The following METTL16 variants were observed in gnomAD, a reference collection of about 807,000 sequenced individuals.
The protein encoded by METTL16 is methyltransferase 16, RNA N6-adenosine, also known as RNA N(6)-adenosine-methyltransferase METTL16.
A neutral mutation model predicts 57.9 loss-of-function variants in METTL16; 19 were observed. The observed-to-expected ratio is 0.33, with a 90% CI of 0.23 to 0.48. METTL16 has a LOEUF of 0.48. METTL16 is among the 20% of genes least tolerant of loss of function. The probability of loss-of-function intolerance (pLI) is 0.99; values close to 1 mark genes in which losing one functional copy is unlikely to be tolerated. For missense variants in METTL16, 434 were observed against 691.5 expected (o/e 0.63, Z 4.18); for synonymous variants, 246 against 255.6 (o/e 0.96, Z 0.36).
At chr17:2,437,541 T>A (rs1005798370) in intron 8 of METTL16, among the ~76,000 whole-genome samples, 8 of 126,118 alleles carry the variant, frequency 6.3e-5, no homozygotes, top group South Asian at 6.3e-4. Context: ...TTTAAAAAAA[T>A]TTTTATTTAT....
intron 5 of METTL16, among the ~76,000 whole-genome samples, chr17:2,464,953 T>C (rs879705219): frequency 6.6e-6 from 1 of 152,192 alleles, no homozygotes; most frequent in Non-Finnish European, 1.5e-5. Context: ...TAAAAACTTC[T>C]GAGCTGCAAA....
chr17:2,489,666 G>A (rs1430742194), intron 2 of METTL16, among the ~76,000 whole-genome samples: 2 of 129,490 alleles, frequency 1.5e-5, no homozygotes, highest in East Asian at 2.6e-4. Flanking sequence ...TTGAACCTGA[G>A]AGGTGGAGGT....
chr17:2,445,960 A>C (rs1159385318), intron 6 of METTL16, among the ~76,000 whole-genome samples: 2 of 152,116 alleles, frequency 1.3e-5, no homozygotes, highest in South Asian at 2.1e-4. Context: ...ATATTCAAAA[A>C]TCAATATCTA....
At chr17:2,435,860 A>C (rs951145193) in intron 8 of METTL16, among the ~76,000 whole-genome samples, 1 of 152,006 alleles carries the variant, frequency 6.6e-6, no homozygotes, top group East Asian at 1.9e-4. Context: ...ACGGGGCTGA[A>C]GGATGCCCCA....
At chr17:2,479,207 T>G (rs1195352564) in intron 2 of METTL16, among the ~76,000 whole-genome samples, 5 of 151,850 alleles carry the variant, frequency 3.3e-5, no homozygotes, top group African/African-American at 1.2e-4. Context: ...CCTCACTGTC[T>G]CCCAGACTGG....
chr17:2,429,198 C>CTT (rs55994674), intron 8 of METTL16, among the ~76,000 whole-genome samples: 82,633 of 120,150 alleles, frequency 0.69, 28,860 homozygotes, highest in East Asian at 0.95. Flanking sequence ...AAGAATGAAA[C>CTT]TTTTTTTTTT....
intron 7 of METTL16, among the ~76,000 whole-genome samples, chr17:2,441,209 G>A (rs776935375): frequency 1.3e-5 from 2 of 152,074 alleles, no homozygotes; most frequent in African/African-American, 2.4e-5. Context: ...CAAATACCAC[G>A]TGTTCTTACT....
At chr17:2,468,157 G>C (rs971522431) in intron 4 of METTL16, among the ~76,000 whole-genome samples, 1 of 152,208 alleles carries the variant, frequency 6.6e-6, no homozygotes, top group Non-Finnish European at 1.5e-5. Context: ...TGTGTAGTAG[G>C]CTACACCATT....
rs1172329313 is a variant in METTL16, at chr17:2,464,171, T to C, written c.728+37A>G. The C allele has an allele frequency of 2.5e-6, 4 of 1,592,692 alleles. No individual in the cohort carries two copies. The East Asian group carries it at 6.7e-5, about 27-fold the overall frequency. Reference sequence around the variant, plus strand: ...ACATAGCGGGTAAATATTCCTGTGTTGTAAAGATGGACTCTATGTTGTAAA... The same window carrying C: ...ACATAGCGGGTAAATATTCCTGTGTCGTAAAGATGGACTCTATGTTGTAAA... On this transcript the variant is annotated intron_variant, in intron 6 of 9. Transcript: ENST00000263092.
intron 5 of METTL16, among the ~76,000 whole-genome samples, chr17:2,465,296 C>T (rs1340634544): frequency 2.0e-5 from 3 of 151,922 alleles, no homozygotes; most frequent in Admixed American, 2.0e-4. Flanking sequence ...GTCATCCCAG[C>T]ACTTTAGGAG....
chr17:2,444,234 G>C (rs1478480432), intron 6 of METTL16, among the ~76,000 whole-genome samples: 2 of 152,146 alleles, frequency 1.3e-5, no homozygotes, highest in Non-Finnish European at 2.9e-5. Flanking sequence ...CAGATCACTT[G>C]AGGCCAAGAG....
chr17:2,488,658 T>C (rs2067361430), intron 2 of METTL16, among the ~76,000 whole-genome samples: 1 of 152,088 alleles, frequency 6.6e-6, no homozygotes, highest in South Asian at 2.1e-4. Context: ...CTAAGTGAAA[T>C]AAGCGAGTCA....
chr17:2,464,178 A>G, intron 6 of METTL16, 30 bp downstream of exon 6: 1 of 1,597,896 alleles, frequency 6.3e-7, no homozygotes, highest in Non-Finnish European at 8.5e-7. Context: ...TGTTGTAAAG[A>G]TGGACTCTAT....
chr17:2,473,435 T>C (rs2067248379), intron 4 of METTL16, 89 bp downstream of exon 4: 1 of 1,407,298 alleles, frequency 7.1e-7, no homozygotes, highest in East Asian at 2.4e-5. Context: ...CCGAAGTCTG[T>C]GTATTAAAGA....
intron 6 of METTL16, among the ~76,000 whole-genome samples, chr17:2,459,386 A>G (rs2067132800): frequency 6.6e-6 from 1 of 152,242 alleles, no homozygotes; most frequent in Non-Finnish European, 1.5e-5. Context: ...CTTAAGATAC[A>G]AAACAAAACT....
intron 8 of METTL16, among the ~76,000 whole-genome samples, chr17:2,433,872 G>A (rs970360351): frequency 6.6e-6 from 1 of 152,114 alleles, no homozygotes; most frequent in East Asian, 1.9e-4. Flanking sequence ...CCATAAAGCG[G>A]TCTTTGACTA....
chr17:2,418,080 T>C lies in METTL16; in HGVS notation c.*1890A>G, dbSNP rs2066733549. The C allele has an allele frequency of 6.6e-6, 1 of 152,122 alleles. No individual in the cohort carries two copies. The highest frequency in any genetic ancestry group is 1.9e-4 in the East Asian group (1 of 5,196). The allele number at this position is 152,122 out of a possible 1,614,324, so 9.4% of individuals were successfully genotyped here. ...CTCTGTGTGACCCTGGGTATTGTTT[T>C]TTGCAGCCTGACACATGAATGCTTG... On this transcript the variant is annotated 3_prime_UTR_variant, in exon 10 of 10. Transcript: ENST00000263092.
intron 3 of METTL16, 69 bp from the exon 4 acceptor site, chr17:2,473,733 C>T (rs1380951733): frequency 6.8e-7 from 1 of 1,479,774 alleles, no homozygotes; most frequent in African/African-American, 1.4e-5. Context: ...CATGAAAACA[C>T]CATTCTTCTC....
chr17:2,494,234 C>CTGG (rs1567905271), intron 2 of METTL16, among the ~76,000 whole-genome samples: 1 of 152,030 alleles, frequency 6.6e-6, no homozygotes, highest in Non-Finnish European at 1.5e-5. Context: ...GTTGGCCAGG[C>CTGG]TGGTCTCAAA....
Sources: gnomAD v4.1 joint callset for allele counts (sites outside exome capture counted in the v4.1 genomes callset) on GRCh38, gnomAD v4.1.1 for gene constraint, MANE v1.5 for transcripts, NCBI Gene and HGNC (gene_info 2026-07-23, HGNC 2026-07-21) for gene names.